Variants in DGKG observed in about 807,000 individuals in gnomAD.
DGKG encodes DAG kinase gamma.
DGKG carries 78 observed loss-of-function variants against 105.3 expected under a neutral mutation model. The observed-to-expected ratio is 0.74, with a 90% CI of 0.62 to 0.89. The LOEUF is 0.89. DGKG is among the 40% of genes least tolerant of loss of function. DGKG has a pLI of 0.00. For missense variants in DGKG, 958 were observed against 1,020.1 expected, an observed-to-expected ratio of 0.94 and a Z score of 0.83; for synonymous variants, 346 against 367.1, an observed-to-expected ratio of 0.94 and a Z score of 0.66.
chr3:186,313,547 C>A (rs1331730923), intron 2 of DGKG: 3 of 984,978 alleles, frequency 3.0e-6, no homozygotes, highest in East Asian at 1.1e-4. Context: ...ACAACTTGGA[C>A]CATCTTGCAA....
In DGKG at chr3:186,196,117, ATC is replaced by A. The variant is rs1295884196; in HGVS notation, c.1918-7740_1918-7739del. Among the ~76,000 whole-genome samples the A allele has an allele frequency of 2.0e-5, 3 of 146,798 alleles. No individual in the cohort carries two copies. In the South Asian group the frequency reaches 6.5e-4, roughly 32 times the overall value. ...ATTTCTCGTATAGTCTCTTAAAAGG[ATC>A]TCTCTCTCTTTTTCTTTCTTTTTTT... On this transcript the variant is annotated intron_variant, in intron 21 of 24. Transcript: ENST00000265022.
intron 1 of DGKG, among the ~76,000 whole-genome samples, chr3:186,321,884 GT>G (rs1725095027): frequency 6.6e-6 from 1 of 152,184 alleles, no homozygotes; most frequent in Admixed American, 6.5e-5. Context: ...TTAAGTTCTA[GT>G]CTCTCGCCCT....
intron 1 of DGKG, among the ~76,000 whole-genome samples, chr3:186,324,615 GA>G (rs1241680698): frequency 4.6e-5 from 7 of 151,276 alleles, no homozygotes; most frequent in Admixed American, 2.6e-4. Flanking sequence ...CAACAAACAT[GA>G]AAAAATGCTC....
At chr3:186,176,734 A>G (rs1199977443) in intron 22 of DGKG, among the ~76,000 whole-genome samples, 2 of 152,204 alleles carry the variant, frequency 1.3e-5, no homozygotes, top group African/African-American at 4.8e-5. Context: ...AAATGAGACG[A>G]TGAATGTAAA....
At chr3:186,241,581 A>G (rs1340984120) in intron 20 of DGKG, among the ~76,000 whole-genome samples, 1 of 152,008 alleles carries the variant, frequency 6.6e-6, no homozygotes, top group Non-Finnish European at 1.5e-5. Context: ...AAATAAATAA[A>G]AAGACAATTC....
intron 16 of DGKG, among the ~76,000 whole-genome samples, chr3:186,258,983 A>G (rs932781961): frequency 3.9e-5 from 6 of 152,178 alleles, no homozygotes; most frequent in African/African-American, 1.4e-4. Context: ...TGGGAAGCCT[A>G]AGGTCAATAT....
At chr3:186,252,636 C>T (rs1018903379) in intron 18 of DGKG, among the ~76,000 whole-genome samples, 54 of 152,300 alleles carry the variant, frequency 3.5e-4, no homozygotes, top group Admixed American at 1.3e-3. Context: ...CTTCTAGTGA[C>T]GGTAAGTAAC....
intron 1 of DGKG, among the ~76,000 whole-genome samples, chr3:186,345,831 G>A (rs1022266908): frequency 5.3e-5 from 8 of 152,226 alleles, no homozygotes; most frequent in East Asian, 1.9e-4. Flanking sequence ...GTGCAGTGGC[G>A]CGATCTCAGC....
rs1209368987 is a variant in DGKG, at chr3:186,160,593, C to T, written c.2277+1010G>A. The T allele has an allele frequency of 3.0e-6, 3 of 985,254 alleles. No individual in the cohort carries two copies. The African/African-American group carries it at 5.2e-5, about 17-fold the overall frequency. 61.0% of individuals were successfully genotyped at this position (985,254 alleles called of 1,614,324 possible). On this transcript the variant is annotated intron_variant, in intron 24 of 24. Coordinates refer to ENST00000265022, the MANE Select transcript of DGKG (RefSeq NM_001346.3). ...TTCTCAGCAGGTTCATGGAAACCTTCCTTTAGTAGAAGACAATTTGATGTT... is the reference window on the plus strand; with the variant it reads ...TTCTCAGCAGGTTCATGGAAACCTTTCTTTAGTAGAAGACAATTTGATGTT...
At chr3:186,152,424 G>A (rs868758943) in intron 24 of DGKG, among the ~76,000 whole-genome samples, 3 of 152,172 alleles carry the variant, frequency 2.0e-5, no homozygotes, top group Admixed American at 1.3e-4. Context: ...TGTGGAACAC[G>A]TTTGTGGCAT....
In DGKG at chr3:186,160,171, T is replaced by C. The variant is rs917805472; in HGVS notation, c.2277+1432A>G. On this transcript the variant is annotated intron_variant, in intron 24 of 24. Transcript: ENST00000265022. ...AATCATTGGTTCACAAATTTTTTCA[T>C]AGTGAGTTGTAATCTCTAAAGGGTG... is the stretch of plus-strand genomic sequence containing the variant. 15 of 985,068 alleles carry C rather than the reference T, an allele frequency of 1.5e-5. No homozygotes were observed. In the African/African-American group the frequency reaches 2.4e-4, roughly 16 times the overall value. The allele number at this position is 985,068 out of a possible 1,614,324, so 61.0% of individuals were successfully genotyped here. A position where few individuals can be genotyped will look rare whatever the true frequency, so the allele number is the denominator to read the frequency against.
chr3:186,327,173 A>G (rs899445727), intron 1 of DGKG, among the ~76,000 whole-genome samples: 3 of 152,114 alleles, frequency 2.0e-5, no homozygotes, highest in Non-Finnish European at 4.4e-5. Context: ...CAAAACAAAA[A>G]CAAAAAGAAA....
chr3:186,179,327 C>G (rs536686524), intron 22 of DGKG, among the ~76,000 whole-genome samples: 1 of 152,238 alleles, frequency 6.6e-6, no homozygotes, highest in East Asian at 1.9e-4. Context: ...GTATAATGCA[C>G]CTAGCCTAAT....
intron 22 of DGKG, among the ~76,000 whole-genome samples, chr3:186,182,311 C>T (rs759997882): frequency 2.1e-4 from 32 of 152,252 alleles, no homozygotes; most frequent in African/African-American, 5.5e-4. Context: ...CCTTCCCCCA[C>T]ACCTAACAAT....
chr3:186,176,043 C>T (rs1717061492), intron 22 of DGKG, among the ~76,000 whole-genome samples: 1 of 152,182 alleles, frequency 6.6e-6, no homozygotes. Context: ...AAGGCAGAGA[C>T]AAAGTACCTT....
chr3:186,299,802 T>TTTCCTTCC (rs1560141839), intron 3 of DGKG, among the ~76,000 whole-genome samples: 1 of 97,220 alleles, frequency 1.0e-5, no homozygotes, highest in African/African-American at 4.1e-5. Context: ...TCTTTCTTTC[T>TTTCCTTCC]TTCTTTCTTT....
chr3:186,312,603 T>C (rs540539911), intron 2 of DGKG, among the ~76,000 whole-genome samples: 1 of 152,218 alleles, frequency 6.6e-6, no homozygotes, highest in South Asian at 2.1e-4. Context: ...GGGGAGTCAC[T>C]GAGACGAGGG....
chr3:186,168,955 A>G (rs1716688802), intron 22 of DGKG, among the ~76,000 whole-genome samples: 1 of 152,152 alleles, frequency 6.6e-6, no homozygotes, highest in Non-Finnish European at 1.5e-5. Context: ...AATTTGGCCA[A>G]TTTTACTAAG....
intron 20 of DGKG, among the ~76,000 whole-genome samples, chr3:186,216,207 C>T (rs1719284401): frequency 6.6e-6 from 1 of 152,068 alleles, no homozygotes; most frequent in Non-Finnish European, 1.5e-5. Flanking sequence ...ACCATGTTGG[C>T]CGGGCTGGTC....
Sources: allele counts gnomAD v4.1 joint callset (sites outside exome capture counted in the v4.1 genomes callset), GRCh38; gene constraint gnomAD v4.1.1; transcripts MANE v1.5; gene names NCBI Gene and HGNC (gene_info 2026-07-23, HGNC 2026-07-21).